STK33: variants seen among roughly 807,000 people sequenced by gnomAD.
The protein encoded by STK33 is serine/threonine kinase 33, also known as serine/threonine-protein kinase 33.
Under a neutral mutation model 58.0 loss-of-function variants are expected in STK33, and 52 were observed. The ratio of observed to expected loss-of-function variants is 0.90; its 90% CI spans 0.72 to 1.13. The LOEUF is 1.13. Among genes scored for constraint, STK33 ranks in the 50% most tolerant of loss-of-function variants. The pLI, the probability that STK33 is intolerant of heterozygous loss-of-function variation, is 0.00. For missense variants in STK33, 630 were observed against 604.2 expected (o/e 1.04, Z -0.45); for synonymous variants, 215 against 200.1 (o/e 1.07, Z -0.63).
At chr11:8,535,069 T>C (rs1954889729) in intron 1 of STK33, among the ~76,000 whole-genome samples, 2 of 152,104 alleles carry the variant, frequency 1.3e-5, no homozygotes, top group South Asian at 4.1e-4. Context: ...GAAAAAATAT[T>C]TCCTTTATAC....
chr11:8,533,715 A>G (rs1317129783), intron 1 of STK33, among the ~76,000 whole-genome samples: 1 of 152,232 alleles, frequency 6.6e-6, no homozygotes, highest in Non-Finnish European at 1.5e-5. Context: ...CTCCAATTCT[A>G]AAATAAAGAC....
At position 8,452,808 on chromosome 11, in the gene STK33, G is replaced by C. The variant is rs1159964082; in HGVS notation, c.871+14C>G. On this transcript the variant is annotated intron_variant, in intron 11 of 15. Coordinates refer to ENST00000687296, the MANE Select transcript of STK33 (RefSeq NM_001352389.2). ...GTCTCAAAACAAAAATTAATTTTAA[G>C]TCTACTAACTTACCCATATAGATAG... is the stretch of plus-strand genomic sequence containing the variant. 1 of 1,609,634 alleles carries C rather than the reference G, an allele frequency of 6.2e-7. No homozygotes were observed. The highest frequency in any genetic ancestry group is 2.2e-5 in the East Asian group (1 of 44,850).
intron 15 of STK33, among the ~76,000 whole-genome samples, chr11:8,396,934 G>A (rs558584295): frequency 3.9e-5 from 6 of 152,310 alleles, no homozygotes; most frequent in South Asian, 4.1e-4. Context: ...CGCCATTGCC[G>A]AGGCTTGAGT....
chr11:8,453,952 A>G (rs749958727), intron 10 of STK33, among the ~76,000 whole-genome samples: 14 of 152,222 alleles, frequency 9.2e-5, no homozygotes, highest in Admixed American at 2.6e-4. Context: ...TTTGGAGAGC[A>G]TCTATTCCTT....
intron 1 of STK33, among the ~76,000 whole-genome samples, chr11:8,550,647 C>G (rs1001531488): frequency 1.3e-5 from 2 of 152,218 alleles, no homozygotes; most frequent in African/African-American, 4.8e-5. Flanking sequence ...AAAAATGCCA[C>G]TGGCTCTTTT....
chr11:8,470,978 G>C (rs1156553122), intron 6 of STK33, among the ~76,000 whole-genome samples: 1 of 152,150 alleles, frequency 6.6e-6, no homozygotes, highest in South Asian at 2.1e-4. Context: ...TGGAAAAATG[G>C]CACCAACAGA....
chr11:8,418,605 T>TA (rs963096888), intron 14 of STK33, among the ~76,000 whole-genome samples: 9 of 152,176 alleles, frequency 5.9e-5, no homozygotes, highest in Admixed American at 3.3e-4. Context: ...ATATACCCAG[T>TA]AATGGGATTG....
At chr11:8,441,547 G>T (rs553799603) in intron 11 of STK33, among the ~76,000 whole-genome samples, 1 of 152,004 alleles carries the variant, frequency 6.6e-6, no homozygotes, top group South Asian at 2.1e-4. Context: ...TTTAGAGATG[G>T]GGTCTTGCTG....
intron 11 of STK33, among the ~76,000 whole-genome samples, chr11:8,448,363 C>T (rs376548172): frequency 3.2e-4 from 49 of 152,162 alleles, no homozygotes; most frequent in African/African-American, 9.9e-4. Flanking sequence ...GGAGGCATCA[C>T]GCTACCTGAC....
chr11:8,547,995 C>T (rs10769913), intron 1 of STK33, among the ~76,000 whole-genome samples: 9,936 of 142,128 alleles, frequency 0.07, 704 homozygotes, highest in African/African-American at 0.19. Context: ...GGGAACATCA[C>T]ACACCGGGGC....
At chr11:8,568,506 G>A (rs1380298270) in intron 1 of STK33, among the ~76,000 whole-genome samples, 1 of 152,076 alleles carries the variant, frequency 6.6e-6, no homozygotes, top group Non-Finnish European at 1.5e-5. Flanking sequence ...AACATAATTC[G>A]CTCTGCTATT....
chr11:8,488,267 T>C (rs1006943349), intron 1 of STK33, among the ~76,000 whole-genome samples: 2 of 152,094 alleles, frequency 1.3e-5, no homozygotes, highest in Non-Finnish European at 2.9e-5. Context: ...TTGATAACAC[T>C]TGGAGCAACA....
the STK33 span, among the ~76,000 whole-genome samples, chr11:8,336,102 G>A: frequency 4.6e-5 from 7 of 152,364 alleles, 1 homozygote; most frequent in Middle Eastern, 6.8e-3. Context: ...TGAGATGGAA[G>A]AGCCCTGGGC....
rs557831038 is a variant in STK33, at chr11:8,451,551, T to C, written c.871+1271A>G. ...GAAAAGAAAAAAAAAGAGGCACATTTAGAGAGACAAGAAGGCAAATCTAGA... is the reference window on the plus strand; with the variant it reads ...GAAAAGAAAAAAAAAGAGGCACATTCAGAGAGACAAGAAGGCAAATCTAGA... On this transcript the variant is annotated intron_variant, in intron 11 of 15. Transcript: ENST00000687296. Among the ~76,000 whole-genome samples the C allele has an allele frequency of 5.6e-4, 86 of 152,264 alleles. 1 individual carries two copies. Among genetic ancestry groups the C allele is most frequent in the Admixed American group, 1.6e-3 (24 of 15,290 alleles).
At chr11:8,567,127 G>A (rs1311346111) in intron 1 of STK33, 2 of 152,090 alleles carry the variant, frequency 1.3e-5, no homozygotes, top group Non-Finnish European at 2.9e-5. Context: ...GTGACAGAGT[G>A]AGACCCTGTC....
chr11:8,471,340 T>C (rs575386680), intron 6 of STK33, among the ~76,000 whole-genome samples: 128 of 152,306 alleles, frequency 8.4e-4, no homozygotes, highest in Middle Eastern at 3.4e-3. Flanking sequence ...TATTAACACA[T>C]AGTGATGAAG....
chr11:8,353,339 A>C, the STK33 span, among the ~76,000 whole-genome samples: 1 of 152,206 alleles, frequency 6.6e-6, no homozygotes, highest in Non-Finnish European at 1.5e-5. Flanking sequence ...CCTCCTTTGA[A>C]GGAAGCTGGG....
the STK33 span, among the ~76,000 whole-genome samples, chr11:8,386,125 C>T: frequency 0.048 from 7,245 of 152,236 alleles, 252 homozygotes; most frequent in Non-Finnish European, 0.065. Context: ...GCTGGTGCCA[C>T]GGGGTCTGAT....
At chr11:8,489,098 A>C (rs1388929062) in intron 1 of STK33, among the ~76,000 whole-genome samples, 1 of 151,986 alleles carries the variant, frequency 6.6e-6, no homozygotes, top group Non-Finnish European at 1.5e-5. Context: ...ATCTCTAGTA[A>C]TGTAAAGAAT....
Sources: allele counts gnomAD v4.1 joint callset (sites outside exome capture counted in the v4.1 genomes callset), GRCh38; gene constraint gnomAD v4.1.1; transcripts MANE v1.5; gene names NCBI Gene and HGNC (gene_info 2026-07-23, HGNC 2026-07-21).